Variants in FNIP1 observed in about 807,000 individuals in gnomAD.
FNIP1 encodes the protein folliculin interacting protein 1, also known as folliculin-interacting protein 1.
FNIP1 carries 40 observed loss-of-function variants against 124.5 expected under a neutral mutation model. The ratio of observed to expected loss-of-function variants is 0.32; its 90% CI spans 0.25 to 0.42. The LOEUF (loss-of-function observed/expected upper bound fraction) is 0.42. Among genes scored for constraint, FNIP1 ranks in the 10% least tolerant of loss-of-function variants. The probability of loss-of-function intolerance (pLI) is 1.00; values close to 1 mark genes in which losing one functional copy is unlikely to be tolerated. For missense variants in FNIP1, 1,176 were observed against 1,403.7 expected (o/e 0.84, Z 2.59); for synonymous variants, 472 against 470.6 (o/e 1.00, Z -0.04).
intron 1 of FNIP1, among the ~76,000 whole-genome samples, chr5:131,765,436 C>T (rs924588738): frequency 6.6e-6 from 1 of 152,006 alleles, no homozygotes; most frequent in African/African-American, 2.4e-5. Context: ...TGGAAAATCA[C>T]CTCTTTAGGC....
intron 16 of FNIP1, among the ~76,000 whole-genome samples, chr5:131,648,595 T>A (rs1376453664): frequency 6.6e-6 from 1 of 152,146 alleles, no homozygotes; most frequent in Non-Finnish European, 1.5e-5. Flanking sequence ...GATAATGCCA[T>A]AAGAAAATTT....
chr5:131,793,711 G>C (rs1288641755), intron 1 of FNIP1, among the ~76,000 whole-genome samples: 2 of 152,146 alleles, frequency 1.3e-5, no homozygotes, highest in East Asian at 1.9e-4. Flanking sequence ...CTATTCTAAA[G>C]TCCTGCTGTG....
intron 1 of FNIP1, among the ~76,000 whole-genome samples, chr5:131,770,440 T>C (rs1365739552): frequency 6.6e-6 from 1 of 152,220 alleles, no homozygotes; most frequent in East Asian, 1.9e-4. Flanking sequence ...CATGTTCTTT[T>C]AGAAAAACCA....
Position 131,696,809 on chromosome 5 carries a change from T to G in FNIP1, c.1202+2108A>C, listed in dbSNP as rs1017106272. Among the ~76,000 whole-genome samples, 7 of 152,144 alleles carry G rather than the reference T, an allele frequency of 4.6e-5. No homozygotes were observed. In the South Asian group the frequency reaches 8.3e-4, roughly 18 times the overall value. ...TTTTCTCTACATTTCCCCTAACCAC[T>G]GAGTGTACTGTACAGAACAGTAAGA... On this transcript the variant is annotated intron_variant, in intron 11 of 17. Coordinates refer to ENST00000510461, the MANE Select transcript of FNIP1 (RefSeq NM_133372.3).
chr5:131,789,426 T>G (rs562926255), intron 1 of FNIP1, among the ~76,000 whole-genome samples: 49 of 152,312 alleles, frequency 3.2e-4, no homozygotes, highest in South Asian at 2.7e-3. Flanking sequence ...TTTAAGAACT[T>G]CAGAAGCTCA....
chr5:131,668,216 T>TTC (rs1431604935), intron 15 of FNIP1, among the ~76,000 whole-genome samples: 2 of 152,200 alleles, frequency 1.3e-5, no homozygotes, highest in Non-Finnish European at 2.9e-5. Context: ...ACAAAGTAGG[T>TTC]TCTCCAACCA....
At chr5:131,751,146 T>C (rs1313974910) in intron 1 of FNIP1, among the ~76,000 whole-genome samples, 1 of 152,140 alleles carries the variant, frequency 6.6e-6, no homozygotes, top group Non-Finnish European at 1.5e-5. Context: ...CCCATAATTA[T>C]CATACTGAGC....
At chr5:131,673,457 C>T (rs1002878945) in intron 13 of FNIP1, among the ~76,000 whole-genome samples, 1 of 152,076 alleles carries the variant, frequency 6.6e-6, no homozygotes, top group African/African-American at 2.4e-5. Context: ...TTTCTGGTTT[C>T]CTCTTTAAAC....
intron 2 of FNIP1, among the ~76,000 whole-genome samples, chr5:131,735,418 C>T (rs1770256131): frequency 6.6e-6 from 1 of 151,068 alleles, no homozygotes; most frequent in Non-Finnish European, 1.5e-5. Context: ...TGTAACAAAC[C>T]TGCACATTGT....
intron 10 of FNIP1, among the ~76,000 whole-genome samples, chr5:131,702,646 C>T (rs1328742122): frequency 6.6e-6 from 1 of 152,158 alleles, no homozygotes; most frequent in Non-Finnish European, 1.5e-5. Flanking sequence ...AATAGGAAGT[C>T]ATTTCACTTT....
chr5:131,693,585 T>C (rs1427579713), intron 11 of FNIP1, among the ~76,000 whole-genome samples: 2 of 151,760 alleles, frequency 1.3e-5, no homozygotes, highest in African/African-American at 4.8e-5. Flanking sequence ...TAATTCATAA[T>C]GGATCATAGT....
chr5:131,644,721 G>A lies in FNIP1; in HGVS notation c.3465C>T (p.Ser1155=), dbSNP rs892454568. Residue 1155 remains serine (S), a synonymous_variant, in exon 18 of 18, where the codon AGC becomes AGT. Transcript: ENST00000510461. ...TTTGTGCAACATATGGAGAGTGAGT[G>A]CTTGCTACAGCAGCCAGAAGTGGAA... The part of the protein sequence containing the change: ...SDLPLLAAVA[S]THSPYVAQIL... The A allele has an allele frequency of 4.3e-6, 7 of 1,613,794 alleles. No individual in the cohort carries two copies. The highest frequency in any genetic ancestry group is 5.9e-6 in the Non-Finnish European group (7 of 1,179,912).
intron 15 of FNIP1, among the ~76,000 whole-genome samples, chr5:131,664,498 T>C (rs985937042): frequency 3.3e-5 from 5 of 152,132 alleles, no homozygotes; most frequent in African/African-American, 1.2e-4. Flanking sequence ...TAGCCAGGCA[T>C]GCTGGCATGT....
At chr5:131,707,118 C>T (rs1382854754) in intron 8 of FNIP1, among the ~76,000 whole-genome samples, 1 of 152,208 alleles carries the variant, frequency 6.6e-6, no homozygotes, top group African/African-American at 2.4e-5. Context: ...TTCCAGCAGA[C>T]TCCACTCTTT....
intron 1 of FNIP1, among the ~76,000 whole-genome samples, chr5:131,782,607 G>A (rs961770806): frequency 3.3e-5 from 5 of 151,392 alleles, no homozygotes; most frequent in African/African-American, 7.3e-5. Flanking sequence ...AGGAAGGAAG[G>A]GAGGGAGGGA....
chr5:131,670,261 T>C (rs942296688), intron 15 of FNIP1, among the ~76,000 whole-genome samples: 1 of 152,336 alleles, frequency 6.6e-6, no homozygotes, highest in African/African-American at 2.4e-5. Flanking sequence ...GTATTTCAGA[T>C]ATCCATGTGG....
intron 3 of FNIP1, among the ~76,000 whole-genome samples, chr5:131,724,410 C>T (rs1298845681): frequency 6.6e-6 from 1 of 152,094 alleles, no homozygotes; most frequent in Non-Finnish European, 1.5e-5. Flanking sequence ...TTCTAACTGG[C>T]TTGAGATGCT....
chr5:131,662,627 C>T (rs1306343591), intron 15 of FNIP1, among the ~76,000 whole-genome samples: 1 of 151,944 alleles, frequency 6.6e-6, no homozygotes, highest in African/African-American at 2.4e-5. Context: ...TGGTTTAATA[C>T]TTGTGGAACT....
At chr5:131,756,882 G>A (rs1463855837) in intron 1 of FNIP1, among the ~76,000 whole-genome samples, 1 of 152,172 alleles carries the variant, frequency 6.6e-6, no homozygotes, top group African/African-American at 2.4e-5. Context: ...AACCATATTT[G>A]GGGGCCCAGC....
Sources: gnomAD v4.1 joint callset for allele counts (sites outside exome capture counted in the v4.1 genomes callset) on GRCh38, gnomAD v4.1.1 for gene constraint, MANE v1.5 for transcripts, NCBI Gene and HGNC (gene_info 2026-07-23, HGNC 2026-07-21) for gene names.